VPS13B: variants seen among roughly 807,000 people sequenced by gnomAD.
VPS13B encodes the protein vacuolar protein sorting 13 homolog B, also known as intermembrane lipid transfer protein VPS13B.
In VPS13B, 285 loss-of-function variants were observed where a neutral mutation model predicts 426.4. The ratio of observed to expected loss-of-function variants is 0.67; its 90% CI spans 0.61 to 0.74. The LOEUF is 0.74. Ranked by LOEUF, VPS13B falls within the 30% of genes least tolerant of loss-of-function variation. The pLI is 0.00. For missense variants in VPS13B, 4,537 were observed against 4,782.6 expected, an observed-to-expected ratio of 0.95 and a Z score of 1.51; for synonymous variants, 1,676 against 1,676.4, an observed-to-expected ratio of 1.00 and a Z score of 0.01.
intron 17 of VPS13B, among the ~76,000 whole-genome samples, chr8:99,247,804 A>G (rs1817303026): frequency 1.3e-5 from 2 of 152,220 alleles, no homozygotes; most frequent in African/African-American, 4.8e-5. Flanking sequence ...TCACTTGTTA[A>G]ATATAGTGAA....
intron 7 of VPS13B, among the ~76,000 whole-genome samples, chr8:99,117,593 T>G (rs1025691232): frequency 1.3e-5 from 2 of 152,184 alleles, no homozygotes; most frequent in Non-Finnish European, 2.9e-5. Context: ...TATTCATACA[T>G]TGGAGTATTA....
intron 35 of VPS13B, among the ~76,000 whole-genome samples, chr8:99,675,193 T>C (rs141561043): frequency 6.6e-6 from 1 of 152,262 alleles, no homozygotes; most frequent in African/African-American, 2.4e-5. Context: ...AAGGGCAGCT[T>C]TGCTAGATAC....
At chr8:99,673,260 G>A (rs949643606) in intron 35 of VPS13B, among the ~76,000 whole-genome samples, 1 of 151,708 alleles carries the variant, frequency 6.6e-6, no homozygotes, top group East Asian at 1.9e-4. Flanking sequence ...TTGGACCCTG[G>A]GCATTTTTTT....
intron 20 of VPS13B, among the ~76,000 whole-genome samples, chr8:99,385,723 G>A (rs1464000991): frequency 6.6e-6 from 1 of 152,140 alleles, no homozygotes; most frequent in Non-Finnish European, 1.5e-5. Context: ...AAAACAAGAG[G>A]AATAGTTCTC....
intron 33 of VPS13B, among the ~76,000 whole-genome samples, chr8:99,629,556 G>A (rs766641018): frequency 1.5e-4 from 23 of 152,188 alleles, no homozygotes; most frequent in Non-Finnish European, 3.1e-4. Context: ...AAGGCCTCTC[G>A]GAGGAAAATG....
chr8:99,317,342 A>G (rs1202400999), intron 19 of VPS13B, among the ~76,000 whole-genome samples: 3 of 152,186 alleles, frequency 2.0e-5, no homozygotes, highest in East Asian at 3.8e-4. Context: ...TAGCATATCC[A>G]TCACCTCAAA....
chr8:99,333,721 C>A (rs908806269), intron 19 of VPS13B, among the ~76,000 whole-genome samples: 1 of 151,888 alleles, frequency 6.6e-6, no homozygotes, highest in Admixed American at 6.6e-5. Flanking sequence ...CTACTAATAT[C>A]TCTATGTCTC....
intron 21 of VPS13B, among the ~76,000 whole-genome samples, chr8:99,421,343 T>C (rs1390805311): frequency 6.6e-6 from 1 of 152,224 alleles, no homozygotes; most frequent in Non-Finnish European, 1.5e-5. Flanking sequence ...AATTTAGGCT[T>C]TATGTAGCTC....
At chr8:99,727,394 T>C (rs1833394506) in intron 39 of VPS13B, among the ~76,000 whole-genome samples, 1 of 152,216 alleles carries the variant, frequency 6.6e-6, no homozygotes, top group South Asian at 2.1e-4. Context: ...GGGTATTGTA[T>C]TAGTCTGTTT....
At chr8:99,528,672 A>G (rs1460965961) in intron 30 of VPS13B, among the ~76,000 whole-genome samples, 1 of 152,132 alleles carries the variant, frequency 6.6e-6, no homozygotes, top group East Asian at 1.9e-4. Flanking sequence ...AAGTATCCTT[A>G]CAACATTCTG....
chr8:99,491,383 A>G lies in VPS13B; in HGVS notation c.3870+9581A>G, dbSNP rs149225131. ...GGAGTATCTTTGTGGTGTTCTCTCC[A>G]TTTCCTGGATTTGAATGTTGGCCTG... On this transcript the variant is annotated intron_variant, in intron 25 of 61. Transcript: ENST00000357162. 6.4e-3 allele frequency among the ~76,000 whole-genome samples: 973 copies of G among 152,124 alleles called. 7 individuals are homozygous for G. The highest frequency in any genetic ancestry group is 0.022 in the African/African-American group (907 of 41,492).
At chr8:99,530,660 G>T (rs980960305) in intron 30 of VPS13B, among the ~76,000 whole-genome samples, 3 of 151,756 alleles carry the variant, frequency 2.0e-5, no homozygotes, top group African/African-American at 7.3e-5. Flanking sequence ...AGCAGCAGCA[G>T]TAATAGCTAA....
chr8:99,120,826 T>G (rs1847897570), intron 7 of VPS13B, among the ~76,000 whole-genome samples: 1 of 152,140 alleles, frequency 6.6e-6, no homozygotes, highest in South Asian at 2.1e-4. Flanking sequence ...TCAGCCTTAT[T>G]TTTGAGAGGT....
intron 17 of VPS13B, among the ~76,000 whole-genome samples, chr8:99,237,962 C>G (rs1266371972): frequency 1.3e-5 from 2 of 151,820 alleles, no homozygotes; most frequent in Non-Finnish European, 2.9e-5. Context: ...CTGCTCTCAT[C>G]CCTACTTCCT....
chr8:99,082,067 T>C (rs911684616), intron 3 of VPS13B, among the ~76,000 whole-genome samples: 3 of 152,162 alleles, frequency 2.0e-5, no homozygotes, highest in Non-Finnish European at 4.4e-5. Context: ...AACTAGTTTA[T>C]AGTCCCACCA....
intron 25 of VPS13B, among the ~76,000 whole-genome samples, chr8:99,497,286 A>G (rs1820972582): frequency 6.9e-6 from 1 of 144,560 alleles, no homozygotes; most frequent in South Asian, 2.1e-4. Context: ...TTATATATAC[A>G]TAAAAATGCA....
At chr8:99,257,765 C>T (rs1027113553) in intron 17 of VPS13B, among the ~76,000 whole-genome samples, 1 of 151,068 alleles carries the variant, frequency 6.6e-6, no homozygotes, top group Non-Finnish European at 1.5e-5. Context: ...TTTTAAATGA[C>T]CTCATTTGAT....
chr8:99,875,712 G>A lies in VPS13B; in HGVS notation c.*46G>A, dbSNP rs756311741. 1.5e-5 allele frequency: 25 copies of A among 1,613,338 alleles called. No homozygotes were observed. Among genetic ancestry groups the A allele is most frequent in the South Asian group, 1.1e-4 (10 of 90,926 alleles). The stretch of plus-strand genomic sequence containing the variant: ...TCCTGCTTGTGTGATTTAGTTTTTG[G>A]GTTTCTTTGAGACAGGGTCTCACTG... On this transcript the variant is annotated 3_prime_UTR_variant, in exon 62 of 62. Transcript: ENST00000357162.
At chr8:99,437,018 C>A (rs1019423045) in intron 22 of VPS13B, among the ~76,000 whole-genome samples, 2 of 151,960 alleles carry the variant, frequency 1.3e-5, no homozygotes, top group Non-Finnish European at 2.9e-5. Context: ...GGATTACAGG[C>A]GTGAGCTTTT....
Sources: allele counts gnomAD v4.1 joint callset (sites outside exome capture counted in the v4.1 genomes callset), GRCh38; gene constraint gnomAD v4.1.1; transcripts MANE v1.5; gene names NCBI Gene and HGNC (gene_info 2026-07-23, HGNC 2026-07-21).